The following VWDE variants were observed in gnomAD, a reference collection of about 807,000 sequenced individuals.
The protein encoded by VWDE is von Willebrand factor D and EGF domains.
A neutral mutation model predicts 178.4 loss-of-function variants in VWDE; 207 were observed. The ratio of observed to expected loss-of-function variants is 1.16; its 90% CI spans 1.04 to 1.30. The LOEUF is 1.30. Ranked by LOEUF, VWDE falls within the 50% of genes most tolerant of loss-of-function variation. VWDE has a pLI of 0.00. For missense variants in VWDE, 2,287 were observed against 1,901.3 expected (o/e 1.20, Z -3.77); for synonymous variants, 738 against 651.4 (o/e 1.13, Z -2.02).
chr7:12,398,706 T>C (rs1191967324), intron 1 of VWDE, among the ~76,000 whole-genome samples: 1 of 152,154 alleles, frequency 6.6e-6, no homozygotes, highest in African/African-American at 2.4e-5. Context: ...TGCAGCACTA[T>C]GAAGCCATAA....
Position 12,348,097 on chromosome 7 carries a change from G to A in VWDE, c.3886+3476C>T, listed in dbSNP as rs1184661407. On this transcript the variant is annotated intron_variant, in intron 19 of 28. Coordinates refer to ENST00000275358, the MANE Select transcript of VWDE (RefSeq NM_001135924.3). ...TTCAAGATGGATTGAAGACTTAAAC[G>A]TTAGACCTAAAACCATAAAAACCCT... 1.1e-4 allele frequency among the ~76,000 whole-genome samples: 17 copies of A among 152,076 alleles called. No homozygotes were observed. In the South Asian group the frequency reaches 1.9e-3, roughly 17 times the overall value.
chr7:12,331,553 C>T (rs192957813), intron 28 of VWDE, among the ~76,000 whole-genome samples: 1 of 152,284 alleles, frequency 6.6e-6, no homozygotes, highest in African/African-American at 2.4e-5. Context: ...TTTCCCCATC[C>T]TTTTCTTTCT....
chr7:12,350,652 T>A (rs909044178), intron 19 of VWDE, among the ~76,000 whole-genome samples: 1 of 151,860 alleles, frequency 6.6e-6, no homozygotes, highest in African/African-American at 2.4e-5. Context: ...GACCCTGGTC[T>A]CTTCAGTTAG....
chr7:12,342,279 A>C (rs1781375879), intron 22 of VWDE, 125 bp from the exon 23 acceptor site: 2 of 602,430 alleles, frequency 3.3e-6, no homozygotes, highest in South Asian at 7.4e-5. Context: ...GAGAAAGATA[A>C]AATACAATTT....
rs140097513 is a variant in VWDE at position 12,390,867 on chromosome 7, T to C, written c.244-1509A>G. Among the ~76,000 whole-genome samples the C allele has an allele frequency of 3.3e-5, 5 of 152,170 alleles. No individual in the cohort carries two copies. In the East Asian group the frequency reaches 7.7e-4, roughly 23 times the overall value. Reference sequence around the variant, plus strand: ...AAAAGCCTCAAAAAGACTTTAACCATTACTAATTTAACTTATAAAAATCAA... The same window carrying C: ...AAAAGCCTCAAAAAGACTTTAACCACTACTAATTTAACTTATAAAAATCAA... On this transcript the variant is annotated intron_variant, in intron 2 of 28. Coordinates refer to ENST00000275358, the MANE Select transcript of VWDE (RefSeq NM_001135924.3).
chr7:12,384,736 G>T (rs1784017101), intron 3 of VWDE, among the ~76,000 whole-genome samples: 1 of 152,040 alleles, frequency 6.6e-6, no homozygotes, highest in Non-Finnish European at 1.5e-5. Flanking sequence ...TACCACCAAT[G>T]AGCCAAGGAC....
intron 13 of VWDE, among the ~76,000 whole-genome samples, chr7:12,362,166 T>C (rs979109264): frequency 4.0e-5 from 6 of 151,750 alleles, no homozygotes; most frequent in African/African-American, 1.5e-4. Flanking sequence ...AAAGCCAGTA[T>C]ATAGTGAAAC....
chr7:12,401,203 G>C (rs552926662), intron 1 of VWDE, among the ~76,000 whole-genome samples: 1 of 152,044 alleles, frequency 6.6e-6, no homozygotes, highest in Non-Finnish European at 1.5e-5. Flanking sequence ...CTTTAGAATA[G>C]CTAATTCTAC....
chr7:12,385,683 C>T (rs1583341245), intron 3 of VWDE, among the ~76,000 whole-genome samples: 1 of 152,172 alleles, frequency 6.6e-6, no homozygotes, highest in African/African-American at 2.4e-5. Flanking sequence ...AAGTGACTGT[C>T]ATTTTTGTTT....
Position 12,380,486 on chromosome 7 carries a change from C to G in VWDE, c.789G>C (p.Arg263Ser). ...AAAATGCAACTGTTTTTTAACATACCCTGTCTCCAAGTCTGAGATTTATGC... is the reference window on the plus strand; with the variant it reads ...AAAATGCAACTGTTTTTTAACATACGCTGTCTCCAAGTCTGAGATTTATGC... ...LDGINLRLGDRIFCSASVFFL... is the reference protein window; with the variant it reads ...LDGINLRLGDSIFCSASVFFL... Residue 263 changes from arginine to serine, a missense_variant and splice_region_variant, in exon 5 of 29, where the codon AGG (arginine) becomes AGC (serine). Physicochemically the swap from Arg to Ser is moderately radical, Grantham distance 110 (BLOSUM62 -1). Transcript: ENST00000275358. The G allele has an allele frequency of 6.5e-7, 1 of 1,549,718 alleles. No homozygotes were observed. Among genetic ancestry groups the G allele is most frequent in the Non-Finnish European group, 8.7e-7 (1 of 1,146,146 alleles).
intron 27 of VWDE, 84 bp downstream of exon 27, chr7:12,336,057 G>T (rs537915649): frequency 3.3e-6 from 4 of 1,207,284 alleles, no homozygotes; most frequent in Admixed American, 2.9e-5. Context: ...TCCCCCTTAT[G>T]GACTTGTCCT....
chr7:12,336,191 G>A lies in VWDE; in HGVS notation c.4604C>T (p.Pro1535Leu). ...GGAGGAAGGACAATGGCATATGCTG[G>A]GCGCAATGCATTCACCACCGTTTTT... Reference protein sequence around the residue: ...KCKNGGECIAPSICHCPSSWE... With the variant: ...KCKNGGECIALSICHCPSSWE... The change falls in exon 27 of 29, where the codon CCC (proline) becomes CTC (leucine). Residue 1535 changes from proline to leucine, a missense_variant. By Grantham distance (98) the Pro-to-Leu change is moderately conservative. Transcript: ENST00000275358. 1.3e-6 allele frequency: 2 copies of A among 1,551,384 alleles called. No individual in the cohort carries two copies. The highest frequency in any genetic ancestry group is 1.2e-5 in the South Asian group (1 of 84,014).
At chr7:12,339,530 T>G (rs1781214509) in intron 24 of VWDE, among the ~76,000 whole-genome samples, 1 of 152,102 alleles carries the variant, frequency 6.6e-6, no homozygotes, top group Admixed American at 6.5e-5. Context: ...GCGGGATGAC[T>G]TCTTTTCTGC....
rs1012372854 is a variant in VWDE at position 12,372,858 on chromosome 7, T to A, written c.1587+119A>T. On this transcript the variant is annotated intron_variant, in intron 10 of 28. Transcript: ENST00000275358. ...ATTCCCTCTAAGATGATGGTTAATA[T>A]AAATGCTATTTTCTTAAACAAACTA... is the stretch of plus-strand genomic sequence containing the variant. 3.2e-6 allele frequency: 3 copies of A among 949,040 alleles called. No individual in the cohort carries two copies. In the Admixed American group the frequency reaches 8.5e-5, roughly 27 times the overall value. The allele number at this position is 949,040 out of a possible 1,614,324, so 58.8% of individuals were successfully genotyped here.
At chr7:12,338,160 T>A (rs1167808580) in intron 24 of VWDE, among the ~76,000 whole-genome samples, 1 of 151,902 alleles carries the variant, frequency 6.6e-6, no homozygotes, top group East Asian at 1.9e-4. Context: ...TAAGAAAAAT[T>A]CTACTGTTTT....
chr7:12,379,419 T>C lies in VWDE; in HGVS notation c.879+58A>G, dbSNP rs1013895901. On this transcript the variant is annotated intron_variant, in intron 6 of 28. Coordinates refer to ENST00000275358, the MANE Select transcript of VWDE (RefSeq NM_001135924.3). Reference sequence around the variant, plus strand: ...AGAAACCAGCATGGACAGATCACAGTTTGGGAAACATAGTTCCAGAGGAAT... The same window carrying C: ...AGAAACCAGCATGGACAGATCACAGCTTGGGAAACATAGTTCCAGAGGAAT... 61 of 1,313,556 alleles carry C rather than the reference T, an allele frequency of 4.6e-5. No individual in the cohort carries two copies. In the East Asian group the frequency reaches 1.4e-3, roughly 31 times the overall value. The allele number at this position is 1,313,556 out of a possible 1,614,324, so 81.4% of individuals were successfully genotyped here. A position where few individuals can be genotyped will look rare whatever the true frequency, so the allele number is the denominator to read the frequency against.
Position 12,331,052 on chromosome 7 carries a change from A to G in VWDE, c.*131T>C, listed in dbSNP as rs1780689605. On this transcript the variant is annotated 3_prime_UTR_variant, in exon 29 of 29. Transcript: ENST00000275358. ...TACAACAGAGATCATTATGTATTTTATTAGTTTCTTCAGTCTTTAAGATAT... is the reference window on the plus strand; with the variant it reads ...TACAACAGAGATCATTATGTATTTTGTTAGTTTCTTCAGTCTTTAAGATAT... 7.7e-6 allele frequency: 5 copies of G among 647,312 alleles called. No homozygotes were observed. Among genetic ancestry groups the G allele is most frequent in the East Asian group, 5.8e-5 (2 of 34,262 alleles). 40.1% of individuals were successfully genotyped at this position (647,312 alleles called of 1,614,324 possible).
Position 12,375,032 on chromosome 7 carries a change from T to A in VWDE, c.1220A>T (p.Asn407Ile). The A allele has an allele frequency of 6.4e-7, 1 of 1,551,264 alleles. No homozygotes were observed. Among genetic ancestry groups the A allele is most frequent in the South Asian group, 1.2e-5 (1 of 84,054 alleles). The change falls in exon 8 of 29, where the codon AAC (asparagine) becomes ATC (isoleucine). Residue 407 changes from asparagine (N) to isoleucine (I), a missense_variant. Physicochemically the swap from Asn to Ile is moderately radical, Grantham distance 149. Transcript: ENST00000275358. ...AACCTGGATGCTGTCTGGAATGTAG[T>A]TGTTCCACAGGAAATCCTCATTAAC... ...PIVNEDFLWNNYIPDSIQIKV... is the reference protein window; with the variant it reads ...PIVNEDFLWNIYIPDSIQIKV...
chr7:12,403,096 C>G (rs1784985782), intron 1 of VWDE, among the ~76,000 whole-genome samples: 2 of 152,146 alleles, frequency 1.3e-5, no homozygotes, highest in Non-Finnish European at 2.9e-5. Flanking sequence ...GGGGAGTATT[C>G]GCTCCACAGA....
Sources: allele counts gnomAD v4.1 joint callset (sites outside exome capture counted in the v4.1 genomes callset), GRCh38; gene constraint gnomAD v4.1.1; transcripts MANE v1.5; gene names NCBI Gene and HGNC (gene_info 2026-07-23, HGNC 2026-07-21).